ZNF875: variants seen among roughly 807,000 people sequenced by gnomAD.
ZNF875 encodes HKR1, GLI-Kruppel zinc finger family member.
ZNF875 carries 14 observed loss-of-function variants against 11.2 expected under a neutral mutation model. That is an observed-to-expected ratio of 1.26 (90% CI 0.83 to 1.96). The LOEUF is 1.96. Among genes scored for constraint, ZNF875 ranks in the 30% most tolerant of loss-of-function variants. The pLI is 0.00. For synonymous variants in ZNF875, 301 were observed against 281.1 expected (o/e 1.07, Z -0.71); for missense variants, 752 against 760.4 (o/e 0.99, Z 0.13).
intron 2 of ZNF875, among the ~76,000 whole-genome samples, chr19:37,338,930 C>T (rs2146018469): frequency 6.6e-6 from 1 of 152,270 alleles, no homozygotes; most frequent in South Asian, 2.1e-4. Flanking sequence ...TGCCAAGGAC[C>T]TTTGCCTGAG....
rs2037074157 is a variant in ZNF875 at position 37,347,675 on chromosome 19, T to G, written c.161-102T>G. The stretch of plus-strand genomic sequence containing the variant: ...TCAGAGAGAGAACTATTCATAGGTC[T>G]TTTTTATCCTCTGGGTTTCCTCACC... On this transcript the variant is annotated intron_variant, in intron 3 of 4. Transcript: ENST00000392153. 3 of 745,480 alleles carry G rather than the reference T, an allele frequency of 4.0e-6. No individual in the cohort carries two copies. In the South Asian group the frequency reaches 4.8e-5, roughly 12 times the overall value. The allele number at this position is 745,480 out of a possible 1,614,324, so 46.2% of individuals were successfully genotyped here. A position where few individuals can be genotyped will look rare whatever the true frequency, so the allele number is the denominator to read the frequency against.
At chr19:37,361,191 A>G (rs1384137405) in intron 4 of ZNF875, among the ~76,000 whole-genome samples, 1 of 149,604 alleles carries the variant, frequency 6.7e-6, no homozygotes, top group East Asian at 2.0e-4. Flanking sequence ...GCTCACTGCA[A>G]CGTCCGCCTC....
At position 37,319,794 on chromosome 19, in the gene ZNF875, C is replaced by T. The variant is rs545223620; in HGVS notation, c.-747+1608C>T. Among the ~76,000 whole-genome samples, 41 of 152,292 alleles carry T rather than the reference C, an allele frequency of 2.7e-4. No homozygotes were observed. The South Asian group carries it at 7.9e-3, about 29-fold the overall frequency. On this transcript the variant is annotated intron_variant, in intron 1 of 5. Transcript: ENST00000544914. ...TGCTGAACAACCATTTTTTTCCTCT[C>T]TCTCTTCTCTTGTCTACACTTGAGT... is the stretch of plus-strand genomic sequence containing the variant.
At chr19:37,326,901 C>G (rs2032547078) in intron 4 of ZNF875, among the ~76,000 whole-genome samples, 1 of 151,972 alleles carries the variant, frequency 6.6e-6, no homozygotes, top group South Asian at 2.1e-4. Flanking sequence ...CTCTTGACCT[C>G]AAGTGATCTG....
At chr19:37,332,901 A>G (rs1369481526), upstream of ZNF875, among the ~76,000 whole-genome samples, 1 of 152,208 alleles carries the variant, frequency 6.6e-6, no homozygotes, top group Admixed American at 6.5e-5. Context: ...CAAGTGGTTC[A>G]GATTTACAAG....
At chr19:37,317,905 C>G (rs2030356335), upstream of ZNF875, 2 of 153,750 alleles carry the variant, frequency 1.3e-5, no homozygotes, top group African/African-American at 2.4e-5. Context: ...AAGCCCGGCA[C>G]AGGCTGGGTC....
intron 4 of ZNF875, among the ~76,000 whole-genome samples, chr19:37,325,233 C>G (rs898355718): frequency 6.6e-6 from 1 of 152,156 alleles, no homozygotes; most frequent in Non-Finnish European, 1.5e-5. Context: ...GGGGGCCCGT[C>G]CACACCCGAA....
At chr19:37,349,297 A>AT (rs1345211238) in intron 4 of ZNF875, among the ~76,000 whole-genome samples, 2 of 152,108 alleles carry the variant, frequency 1.3e-5, no homozygotes, top group African/African-American at 4.8e-5. Context: ...CCAATATGTC[A>AT]TTTTTTGGGG....
chr19:37,348,702 A>G (rs1193398908), intron 4 of ZNF875, among the ~76,000 whole-genome samples: 1 of 152,206 alleles, frequency 6.6e-6, no homozygotes, highest in Non-Finnish European at 1.5e-5. Flanking sequence ...TACAGTTCTA[A>G]CAGTGTATTC....
chr19:37,318,198 A>T (rs981308612), intron 1 of ZNF875: 2 of 153,138 alleles, frequency 1.3e-5, no homozygotes, highest in African/African-American at 4.8e-5. Flanking sequence ...TAAAAACGGG[A>T]CTTTTTCAGC....
intron 2 of ZNF875, among the ~76,000 whole-genome samples, chr19:37,339,105 A>G (rs887917935): frequency 2.0e-5 from 3 of 152,022 alleles, no homozygotes; most frequent in Admixed American, 2.0e-4. Context: ...ATGATGGGTA[A>G]AACACAGTCT....
Position 37,363,639 on chromosome 19 carries a change from G to T in ZNF875, c.1787G>T (p.Gly596Val), listed in dbSNP as rs1363814679. 1.3e-5 allele frequency: 21 copies of T among 1,613,934 alleles called. No individual in the cohort carries two copies. Among genetic ancestry groups the T allele is most frequent in the Non-Finnish European group, 1.8e-5 (21 of 1,179,934 alleles). ...KPHVCRECGQ[G>V]FSRQSHLIRH... is the part of the protein sequence containing the mutation. Reference sequence around the variant, plus strand: ...CATGTGTGCAGGGAGTGTGGGCAAGGCTTTAGCCGGCAGTCACACCTCATT... The same window carrying T: ...CATGTGTGCAGGGAGTGTGGGCAAGTCTTTAGCCGGCAGTCACACCTCATT... Residue 596 changes from glycine (G) to valine (V), a missense_variant, in exon 5 of 5, where the codon GGC becomes GTC. Physicochemically the swap from Gly to Val is moderately radical, Grantham distance 109. Transcript: ENST00000392153.
intron 1 of ZNF875, among the ~76,000 whole-genome samples, chr19:37,322,005 G>A (rs948395605): frequency 2.6e-5 from 4 of 152,164 alleles, no homozygotes; most frequent in Admixed American, 2.0e-4. Flanking sequence ...AGACTCTCCC[G>A]TATGTTAGAA....
At chr19:37,320,183 G>A (rs1392961934) in intron 1 of ZNF875, among the ~76,000 whole-genome samples, 1 of 152,188 alleles carries the variant, frequency 6.6e-6, no homozygotes, top group African/African-American at 2.4e-5. Context: ...CCATAACTCT[G>A]AGTTTATTAC....
chr19:37,362,686 G>A lies in ZNF875; in HGVS notation c.834G>A (p.Gly278=). Residue 278 remains glycine (G), a synonymous_variant, in exon 5 of 5, where the codon GGG becomes GGA. Transcript: ENST00000392153. ...TCAAAAACCCAAGGACACACTCTGG[G>A]GGAAAGCCTTATGTGTGCAGGGAAT... ...VLIKNPRTHS[G]GKPYVCRECG... 6.2e-7 allele frequency: 1 copy of A among 1,613,278 alleles called. No homozygotes were observed. The highest frequency in any genetic ancestry group is 8.5e-7 in the Non-Finnish European group (1 of 1,179,580).
Position 37,363,996 on chromosome 19 carries a change from C to T in ZNF875, c.*221C>T, listed in dbSNP as rs1007473503. ...GCTCATTTTCAGGAGCCCTGCCCTT[C>T]CTCACTGTGGATGGTGGGTTGTGGA... On this transcript the variant is annotated 3_prime_UTR_variant, in exon 5 of 5. Transcript: ENST00000392153. The T allele has an allele frequency of 1.9e-5, 10 of 539,084 alleles. No individual in the cohort carries two copies. The highest frequency in any genetic ancestry group is 2.7e-5 in the Non-Finnish European group (8 of 301,800). 33.4% of individuals were successfully genotyped at this position (539,084 alleles called of 1,614,324 possible).
At chr19:37,359,410 T>TA (rs1491026783) in intron 4 of ZNF875, 1 of 97,716 alleles carries the variant, frequency 1.0e-5, no homozygotes, top group Non-Finnish European at 2.0e-5. Flanking sequence ...TAGTCTTTTC[T>TA]TTTTTTTTTT....
At chr19:37,316,366 T>C (rs1281721882), upstream of ZNF875, among the ~76,000 whole-genome samples, 1 of 152,224 alleles carries the variant, frequency 6.6e-6, no homozygotes, top group African/African-American at 2.4e-5. Flanking sequence ...TATATTTATT[T>C]ATTTGTTTAT....
upstream of ZNF875, among the ~76,000 whole-genome samples, chr19:37,315,773 C>T (rs936080476): frequency 5.9e-5 from 9 of 151,956 alleles, no homozygotes; most frequent in Non-Finnish European, 1.0e-4. Context: ...TTAAGGTCCA[C>T]GGTATGTGTG....
Sources: allele counts gnomAD v4.1 joint callset (sites outside exome capture counted in the v4.1 genomes callset), GRCh38; gene constraint gnomAD v4.1.1; transcripts MANE v1.5; gene names NCBI Gene and HGNC (gene_info 2026-07-23, HGNC 2026-07-21).